The following KIAA1549 variants were observed in gnomAD, a reference collection of about 807,000 sequenced individuals.
KIAA1549 encodes the protein KIAA1549.
Under a neutral mutation model 156.4 loss-of-function variants are expected in KIAA1549, and 70 were observed. The ratio of observed to expected loss-of-function variants is 0.45; its 90% CI spans 0.37 to 0.55. KIAA1549 has a LOEUF of 0.55. Among genes scored for constraint, KIAA1549 ranks in the 20% least tolerant of loss-of-function variants. The pLI, the probability that KIAA1549 is intolerant of heterozygous loss-of-function variation, is 0.00. For missense variants in KIAA1549, 2,428 were observed against 2,540.9 expected (o/e 0.96, Z 0.96); for synonymous variants, 1,103 against 1,066.4 (o/e 1.03, Z -0.67).
chr7:138,962,206 T>G (rs1255049497), intron 1 of KIAA1549, among the ~76,000 whole-genome samples: 2 of 152,248 alleles, frequency 1.3e-5, no homozygotes, highest in Non-Finnish European at 2.9e-5. Flanking sequence ...AAGTGCACAT[T>G]CGATTTTAGT....
chr7:138,912,447 T>C lies in KIAA1549; in HGVS notation c.2892A>G (p.Arg964=), dbSNP rs776783016. 7 of 1,613,676 alleles carry C rather than the reference T, an allele frequency of 4.3e-6. No individual in the cohort carries two copies. In the South Asian group the frequency reaches 6.6e-5, roughly 15 times the overall value. Residue 964 remains arginine (R), a synonymous_variant, in exon 3 of 20, where the codon AGA becomes AGG. Coordinates refer to ENST00000422774, the MANE Select transcript of KIAA1549 (RefSeq NM_001164665.2). The stretch of plus-strand genomic sequence containing the variant: ...CTGTAATGATGTACTCCTGCACAGC[T>C]CTTCTGGCCAGCACTGCAAATGAAA... The part of the protein sequence containing the change: ...AYLITTVLAR[R]AVQEYIITAI...
chr7:138,839,214 T>C lies in KIAA1549; in HGVS notation c.5598+919A>G, dbSNP rs112028091. On this transcript the variant is annotated intron_variant, in intron 19 of 19. Transcript: ENST00000422774. The stretch of plus-strand genomic sequence containing the variant: ...ATCCAGCCATGAAAGGAATTGAGTG[T>C]GTCTGTTGGGAAGGCACAGAAATGC... Among the ~76,000 whole-genome samples, 30 of 152,304 alleles carry C rather than the reference T, an allele frequency of 2.0e-4. 1 individual carries two copies. In the South Asian group the frequency reaches 5.8e-3, roughly 29 times the overall value.
At chr7:138,893,515 CT>C (rs1811600211) in intron 10 of KIAA1549, among the ~76,000 whole-genome samples, 1 of 152,220 alleles carries the variant, frequency 6.6e-6, no homozygotes, top group Non-Finnish European at 1.5e-5. Context: ...CACAATTCCT[CT>C]CAGTAGACCA....
At chr7:138,946,165 G>A (rs1414371323) in intron 1 of KIAA1549, among the ~76,000 whole-genome samples, 3 of 151,908 alleles carry the variant, frequency 2.0e-5, no homozygotes, top group South Asian at 2.1e-4. Flanking sequence ...ATATGAAGTC[G>A]CATAATATAT....
At position 138,909,019 on chromosome 7, in the gene KIAA1549, T is replaced by C; in HGVS notation, c.3248A>G (p.His1083Arg). ...MTALFEVRKH[H>R]QGTYNLTVQI... ...CACCGTGAGGTTATACGTTCCCTGG[T>C]GGTGTTTTCTCACTTCAAAGAGAGC... Residue 1083 changes from histidine (H) to arginine (R), a missense_variant, in exon 5 of 20, where the codon CAC becomes CGC. By Grantham distance (29) the His-to-Arg change is conservative. This residue lies in a region of KIAA1549 where 762 missense variants were observed against 901.6 expected (regional missense o/e 0.85). Coordinates refer to ENST00000422774, the MANE Select transcript of KIAA1549 (RefSeq NM_001164665.2). The C allele has an allele frequency of 6.2e-7, 1 of 1,614,052 alleles. No individual in the cohort carries two copies. Among genetic ancestry groups the C allele is most frequent in the Non-Finnish European group, 8.5e-7 (1 of 1,179,896 alleles).
chr7:138,958,283 T>C (rs552602642), intron 1 of KIAA1549, among the ~76,000 whole-genome samples: 2 of 152,230 alleles, frequency 1.3e-5, no homozygotes, highest in African/African-American at 4.8e-5. Context: ...TGGCACCGGA[T>C]CTAGGTGCCA....
chr7:138,872,390 A>C (rs1319509209), intron 12 of KIAA1549, among the ~76,000 whole-genome samples: 1 of 151,170 alleles, frequency 6.6e-6, no homozygotes. Context: ...TCAAATGCAC[A>C]AAAAAAAAGA....
intron 1 of KIAA1549, among the ~76,000 whole-genome samples, chr7:138,951,796 T>A (rs752222612): frequency 6.6e-6 from 1 of 152,118 alleles, no homozygotes; most frequent in Non-Finnish European, 1.5e-5. Context: ...GAAAAGAACA[T>A]AATACATATG....
chr7:138,924,609 G>A (rs1427030121), intron 1 of KIAA1549, among the ~76,000 whole-genome samples: 1 of 152,086 alleles, frequency 6.6e-6, no homozygotes, highest in Non-Finnish European at 1.5e-5. Context: ...AAAATGACGG[G>A]AACAAAAACT....
intron 2 of KIAA1549, among the ~76,000 whole-genome samples, chr7:138,913,032 G>A (rs548696594): frequency 4.6e-5 from 7 of 152,180 alleles, no homozygotes; most frequent in South Asian, 2.1e-4. Context: ...CTGCCACCAC[G>A]CCCGGCTAAT....
chr7:138,835,197 T>C lies in KIAA1549; in HGVS notation c.*2709A>G, dbSNP rs775682534. On this transcript the variant is annotated 3_prime_UTR_variant, in exon 20 of 20. Transcript: ENST00000422774. ...TCTGAAGACCGCTAGGGTACGGTGCTGCTCACACAGCTAGTTTTTTCTGAG... is the reference window on the plus strand; with the variant it reads ...TCTGAAGACCGCTAGGGTACGGTGCCGCTCACACAGCTAGTTTTTTCTGAG... The C allele has an allele frequency of 4.6e-6, 1 of 217,594 alleles. No homozygotes were observed. Among genetic ancestry groups the C allele is most frequent in the Non-Finnish European group, 9.2e-6 (1 of 108,288 alleles). The allele number at this position is 217,594 out of a possible 1,614,324, so 13.5% of individuals were successfully genotyped here.
chr7:138,940,414 T>C (rs1813149484), intron 1 of KIAA1549, among the ~76,000 whole-genome samples: 1 of 149,924 alleles, frequency 6.7e-6, no homozygotes, highest in Admixed American at 6.6e-5. Context: ...CAGTCTATCG[T>C]TGTTGGACAT....
intron 1 of KIAA1549, among the ~76,000 whole-genome samples, chr7:138,932,009 A>G (rs1812887600): frequency 6.6e-6 from 1 of 152,126 alleles, no homozygotes. Flanking sequence ...TGCAGGAGAC[A>G]TGAAGGCAGA....
intron 18 of KIAA1549, among the ~76,000 whole-genome samples, chr7:138,841,706 G>C (rs1203553607): frequency 6.6e-6 from 1 of 152,098 alleles, no homozygotes; most frequent in Admixed American, 6.5e-5. Flanking sequence ...TACTCTAGTT[G>C]TCTAATTAAT....
intron 1 of KIAA1549, among the ~76,000 whole-genome samples, chr7:138,953,547 G>GA (rs886486796): frequency 1.3e-5 from 2 of 151,926 alleles, no homozygotes; most frequent in Non-Finnish European, 2.9e-5. Context: ...AATCTACAGT[G>GA]AAAAAACAAA....
chr7:138,953,786 C>A (rs1413816039), intron 1 of KIAA1549, among the ~76,000 whole-genome samples: 2 of 152,158 alleles, frequency 1.3e-5, no homozygotes. Context: ...AATACATACA[C>A]AATAAAATAA....
chr7:138,840,104 A>T, intron 19 of KIAA1549, 29 bp downstream of exon 19: 1 of 1,537,606 alleles, frequency 6.5e-7, no homozygotes, highest in Non-Finnish European at 8.8e-7. Context: ...TCTAAATTTT[A>T]AATGATGACC....
chr7:138,873,951 A>C (rs1205081096), intron 12 of KIAA1549, among the ~76,000 whole-genome samples: 1 of 141,872 alleles, frequency 7.0e-6, no homozygotes, highest in African/African-American at 2.9e-5. Context: ...TCACACATAT[A>C]TATTATATAA....
At chr7:138,952,644 C>T (rs1311223238) in intron 1 of KIAA1549, among the ~76,000 whole-genome samples, 2 of 152,212 alleles carry the variant, frequency 1.3e-5, no homozygotes, top group African/African-American at 4.8e-5. Flanking sequence ...AATGAGGAAT[C>T]TTTAACAAAA....
Sources: gnomAD v4.1 joint callset for allele counts (sites outside exome capture counted in the v4.1 genomes callset) on GRCh38, gnomAD v4.1.1 for gene constraint, gnomAD v4.1.1 regional missense constraint, MANE v1.5 for transcripts, NCBI Gene and HGNC (gene_info 2026-07-23, HGNC 2026-07-21) for gene names.